Variants in APC2 observed in about 807,000 individuals in gnomAD.
The protein encoded by APC2 is APC regulator of Wnt signaling pathway 2, also known as adenomatous polyposis coli protein 2.
A neutral mutation model predicts 72.5 loss-of-function variants in APC2; 41 were observed. The observed-to-expected ratio is 0.57, with a 90% CI of 0.44 to 0.73. APC2 has a LOEUF of 0.73. Among genes scored for constraint, APC2 ranks in the 30% least tolerant of loss-of-function variants. APC2 has a pLI of 0.00. For missense variants in APC2, 3,729 were observed against 3,403.4 expected (o/e 1.10, Z -2.38); for synonymous variants, 1,898 against 1,612.0 (o/e 1.18, Z -4.25).
chr19:1,447,356 A>G (rs943677105), upstream of APC2, among the ~76,000 whole-genome samples: 2 of 152,212 alleles, frequency 1.3e-5, no homozygotes, highest in African/African-American at 4.8e-5. Context: ...AGACACTCCA[A>G]GAGTGAGCCG....
chr19:1,456,304 A>T lies in APC2; in HGVS notation c.718-2A>T. 6.2e-7 allele frequency: 1 copy of T among 1,606,562 alleles called. No homozygotes were observed. Reference sequence around the variant, plus strand: ...CCCCCGACCCTGGTGCTCTCCCTGCAGGCCTTGCTGGCGGTGAAGTCGGTG... The same window carrying T: ...CCCCCGACCCTGGTGCTCTCCCTGCTGGCCTTGCTGGCGGTGAAGTCGGTG... On this transcript the variant is annotated splice_acceptor_variant, in intron 7 of 14. Transcript: ENST00000590469. LOFTEE classifies it high-confidence loss of function.
In APC2 at chr19:1,468,876, C is replaced by A; in HGVS notation, c.5575C>A (p.Pro1859Thr). 1.9e-6 allele frequency: 3 copies of A among 1,539,916 alleles called. No homozygotes were observed. In the South Asian group the frequency reaches 3.6e-5, roughly 18 times the overall value. ...GGAGCTGGCGACGCTGAGCCAGCCC[C>A]CCAGAAGCGCCACACCGCCCGCCCG... is the stretch of plus-strand genomic sequence containing the variant. ...TSELATLSQPPRSATPPARLA... is the reference protein window; with the variant it reads ...TSELATLSQPTRSATPPARLA... Residue 1859 changes from proline to threonine, a missense_variant, in exon 15 of 15, where the codon CCC becomes ACC. Transcript: ENST00000590469.
rs780735059 is a variant in APC2, at chr19:1,467,085, C to G, written c.3784C>G (p.Arg1262Gly). Residue 1262 changes from arginine (R) to glycine (G), a missense_variant, in exon 15 of 15, where the codon CGC becomes GGC. Coordinates refer to ENST00000590469, the MANE Select transcript of APC2 (RefSeq NM_005883.3). ...ATCTGAGCTGGACGCAGGCAGCGTG[C>G]GCTTTACCGTGGAGAAGCCAGACGA... ...LPSELDAGSV[R>G]FTVEKPDENF... 3 of 1,609,800 alleles carry G rather than the reference C, an allele frequency of 1.9e-6. No individual in the cohort carries two copies. Among genetic ancestry groups the G allele is most frequent in the Non-Finnish European group, 2.5e-6 (3 of 1,178,678 alleles).
chr19:1,453,670 G>C lies in APC2; in HGVS notation c.413+59G>C. 6.5e-6 allele frequency: 10 copies of C among 1,540,788 alleles called. No individual in the cohort carries two copies. The South Asian group carries it at 9.6e-5, about 15-fold the overall frequency. On this transcript the variant is annotated intron_variant, in intron 4 of 14. Coordinates refer to ENST00000590469, the MANE Select transcript of APC2 (RefSeq NM_005883.3). ...TGGAGCATGACTCGGTCCCCAGCGG[G>C]CTCTGCCCTCTAATTCGCCCACCCG...
At chr19:1,447,772 C>A (rs181372883), upstream of APC2, among the ~76,000 whole-genome samples, 4 of 152,276 alleles carry the variant, frequency 2.6e-5, no homozygotes, top group Admixed American at 2.6e-4. Flanking sequence ...CTGGCCACCC[C>A]CAGAGGGATA....
intron 13 of APC2, 75 bp from the exon 14 acceptor site, chr19:1,461,888 A>G: frequency 5.4e-6 from 7 of 1,299,898 alleles, no homozygotes; most frequent in Non-Finnish European, 7.4e-6. Context: ...ACCCAACTTC[A>G]CTGAATGTGA....
At chr19:1,458,262 G>C (rs1246741730) in intron 10 of APC2, 1 of 600,198 alleles carries the variant, frequency 1.7e-6, no homozygotes, top group African/African-American at 1.9e-5. Flanking sequence ...TGAGCTGCGT[G>C]TGGCCTCCCG....
At chr19:1,461,180 G>A (rs1204422849) in intron 13 of APC2, 27 bp downstream of exon 13, 4 of 1,581,386 alleles carry the variant, frequency 2.5e-6, no homozygotes. Flanking sequence ...CGGCAGGGAT[G>A]CTTCTTCAGT....
chr19:1,463,714 C>T (rs1178028483), intron 14 of APC2, among the ~76,000 whole-genome samples: 1 of 152,092 alleles, frequency 6.6e-6, no homozygotes, highest in East Asian at 1.9e-4. Flanking sequence ...CACGCTACTG[C>T]ACTCCAGCCT....
In APC2 at chr19:1,469,524, C is replaced by CG. The variant is rs1450378550; in HGVS notation, c.6224dup (p.Thr2076HisfsTer77). The CG allele has an allele frequency of 8.5e-7, 1 of 1,169,734 alleles. No individual in the cohort carries two copies. The highest frequency in any genetic ancestry group is 1.1e-6 in the Non-Finnish European group (1 of 939,632). The allele number at this position is 1,169,734 out of a possible 1,614,324, so 72.5% of individuals were successfully genotyped here. A position where few individuals can be genotyped will look rare whatever the true frequency, so the allele number is the denominator to read the frequency against. Reference sequence around the variant, plus strand: ...CAGCCCTGGCGAGCGCCCTGCCCGGCGCACCACCTCCGAGAGCCCGTCCCG... The same window carrying CG: ...CAGCCCTGGCGAGCGCCCTGCCCGGCGGCACCACCTCCGAGAGCCCGTCCCG... On this transcript the variant is annotated frameshift_variant, in exon 15 of 15. Coordinates refer to ENST00000590469, the MANE Select transcript of APC2 (RefSeq NM_005883.3). LOFTEE classifies it low-confidence loss of function (END_TRUNC).
intron 1 of APC2, 35 bp downstream of exon 1, chr19:1,450,373 C>G: frequency 1.0e-6 from 1 of 984,882 alleles, no homozygotes; most frequent in Non-Finnish European, 1.2e-6. Flanking sequence ...AGGGGCGCGA[C>G]CTCCGCCTCG....
Position 1,452,755 on chromosome 19 carries a change from G to C in APC2, c.-18-229G>C, listed in dbSNP as rs1036392517. 10 of 546,460 alleles carry C rather than the reference G, an allele frequency of 1.8e-5. No homozygotes were observed. The highest frequency in any genetic ancestry group is 4.8e-4 in the Middle Eastern group (1 of 2,096). 33.9% of individuals were successfully genotyped at this position (546,460 alleles called of 1,614,324 possible). ...TGTACGTCTGTCTGCTGGCCCCTCT[G>C]TCTCCCCTTGGGGCCACCTCTCACT... On this transcript the variant is annotated intron_variant, in intron 1 of 14. Transcript: ENST00000590469. This position sits in a 1 kb window ranked among gnomAD's most constrained non-coding sequence, Gnocchi z 5.1.
intron 13 of APC2, 146 bp downstream of exon 13, chr19:1,461,299 C>T (rs1442715800): frequency 2.9e-6 from 2 of 701,130 alleles, no homozygotes; most frequent in South Asian, 1.7e-5. Flanking sequence ...CCGGCTGGGG[C>T]TCACTCCTCA....
In APC2 at chr19:1,467,541, C is replaced by T; in HGVS notation, c.4240C>T (p.Pro1414Ser). ...GCTCAGCGACGAGACGCTGCAGGGA[C>T]CCCCCAGGGACCAGCCCGGGGGACC... ...ASLSDETLQG[P>S]PRDQPGGPAG... The change falls in exon 15 of 15, where the codon CCC becomes TCC. Residue 1414 changes from proline (P) to serine (S), a missense_variant. Pro to Ser is a moderately conservative substitution (Grantham distance 74). Transcript: ENST00000590469. 2 of 1,490,020 alleles carry T rather than the reference C, an allele frequency of 1.3e-6. No homozygotes were observed. Among genetic ancestry groups the T allele is most frequent in the Admixed American group, 2.2e-5 (1 of 45,146 alleles). 92.3% of individuals were successfully genotyped at this position (1,490,020 alleles called of 1,614,324 possible). A position where few individuals can be genotyped will look rare whatever the true frequency, so the allele number is the denominator to read the frequency against.
rs2083993641 is a variant in APC2 at position 1,465,520 on chromosome 19, A to G, written c.2219A>G (p.Glu740Gly). 6.5e-7 allele frequency: 1 copy of G among 1,526,882 alleles called. No individual in the cohort carries two copies. The highest frequency in any genetic ancestry group is 8.8e-7 in the Non-Finnish European group (1 of 1,139,086). The allele number at this position is 1,526,882 out of a possible 1,614,324, so 94.6% of individuals were successfully genotyped here. A position where few individuals can be genotyped will look rare whatever the true frequency, so the allele number is the denominator to read the frequency against. Residue 740 changes from glutamate to glycine, a missense_variant, in exon 15 of 15, where the codon GAG becomes GGG. Transcript: ENST00000590469. ...GCACGGCACCTCGCGCAGGCGCTGG[A>G]GCACCTGGAGAAGCAGGGCCCGCCG... is the stretch of plus-strand genomic sequence containing the variant. ...LDARHLAQAL[E>G]HLEKQGPPAA... is the part of the protein sequence containing the mutation.
rs1294857558 is a variant in APC2 at position 1,470,873 on chromosome 19, C to A, written c.*660C>A. On this transcript the variant is annotated 3_prime_UTR_variant, in exon 15 of 15. Coordinates refer to ENST00000590469, the MANE Select transcript of APC2 (RefSeq NM_005883.3). ...CGGAGCCCAAGCGCTCCGGCGGAGC[C>A]CAAAAGGGTGGGGGTGGGAGGGGCA... 2 of 152,262 alleles carry A rather than the reference C, an allele frequency of 1.3e-5. No individual in the cohort carries two copies. Among genetic ancestry groups the A allele is most frequent in the African/African-American group, 4.8e-5 (2 of 41,438 alleles). 9.4% of individuals were successfully genotyped at this position (152,262 alleles called of 1,614,324 possible). A position where few individuals can be genotyped will look rare whatever the true frequency, so the allele number is the denominator to read the frequency against.
rs1346971695 is a variant in APC2 at position 1,468,827 on chromosome 19, C to T, written c.5526C>T (p.Ser1842=). The change falls in exon 15 of 15, where the codon AGC becomes AGT. Residue 1842 remains serine (S), a synonymous_variant. Coordinates refer to ENST00000590469, the MANE Select transcript of APC2 (RefSeq NM_005883.3). ...GCCCCGGGCAGCAGCGGTCGCGGAG[C>T]CTACACCGGCCTGCCAAGACCTCGG... ...VPSPGQQRSR[S]LHRPAKTSEL... is the part of the protein sequence containing the mutation. 2.6e-6 allele frequency: 4 copies of T among 1,548,674 alleles called. No individual in the cohort carries two copies. In the Admixed American group the frequency reaches 5.5e-5, roughly 21 times the overall value.
In APC2 at chr19:1,468,130, C is replaced by T. The variant is rs1389302947; in HGVS notation, c.4829C>T (p.Pro1610Leu). The change falls in exon 15 of 15, where the codon CCG (proline) becomes CTG (leucine). Residue 1610 changes from proline to leucine, a missense_variant. Coordinates refer to ENST00000590469, the MANE Select transcript of APC2 (RefSeq NM_005883.3). ...RGREPAVTKDPGPGGGRDSSP... is the reference protein window; with the variant it reads ...RGREPAVTKDLGPGGGRDSSP... Reference sequence around the variant, plus strand: ...CGGGAGCCCGCGGTCACCAAGGACCCGGGCCCAGGAGGCGGACGCGACAGC... The same window carrying T: ...CGGGAGCCCGCGGTCACCAAGGACCTGGGCCCAGGAGGCGGACGCGACAGC... The T allele has an allele frequency of 2.7e-6, 4 of 1,503,896 alleles. No individual in the cohort carries two copies. The highest frequency in any genetic ancestry group is 1.2e-5 in the South Asian group (1 of 81,192). 93.2% of individuals were successfully genotyped at this position (1,503,896 alleles called of 1,614,324 possible).
At chr19:1,463,340 C>A (rs2083956286) in intron 14 of APC2, among the ~76,000 whole-genome samples, 1 of 151,450 alleles carries the variant, frequency 6.6e-6, no homozygotes, top group East Asian at 1.9e-4. Context: ...ATGGCGTGAA[C>A]CCGGGAGGCG....
Sources: gnomAD v4.1 joint callset for allele counts (sites outside exome capture counted in the v4.1 genomes callset) on GRCh38, gnomAD v4.1.1 for gene constraint, Gnocchi (gnomAD v3.1) non-coding constraint, MANE v1.5 for transcripts, NCBI Gene and HGNC (gene_info 2026-07-23, HGNC 2026-07-21) for gene names.